ZNF521: variants seen among roughly 807,000 people sequenced by gnomAD.
ZNF521 encodes LYST-interacting protein 3.
A neutral mutation model predicts 105.5 loss-of-function variants in ZNF521; 14 were observed. That is an observed-to-expected ratio of 0.13 (90% confidence interval 0.09 to 0.21). The LOEUF (loss-of-function observed/expected upper bound fraction) is 0.21. ZNF521 is among the 10% of genes least tolerant of loss of function. The pLI, the probability that ZNF521 is intolerant of heterozygous loss-of-function variation, is 1.00. For synonymous variants in ZNF521, 635 were observed against 606.0 expected, an observed-to-expected ratio of 1.05 and a Z score of -0.70; for missense variants, 1,233 against 1,629.7, an observed-to-expected ratio of 0.76 and a Z score of 4.19.
intron 5 of ZNF521, among the ~76,000 whole-genome samples, chr18:25,114,139 G>C (rs2034256489): frequency 2.0e-5 from 3 of 152,112 alleles, no homozygotes; most frequent in Non-Finnish European, 4.4e-5. Context: ...CCCAATTTCA[G>C]GGAGGGGTGG....
At chr18:25,161,312 C>A (rs535007126) in intron 5 of ZNF521, among the ~76,000 whole-genome samples, 1 of 152,058 alleles carries the variant, frequency 6.6e-6, no homozygotes, top group Non-Finnish European at 1.5e-5. Context: ...TTAAGTTGTT[C>A]TAAGGCAATT....
intron 7 of ZNF521, among the ~76,000 whole-genome samples, chr18:25,065,618 T>C (rs2033037177): frequency 6.6e-6 from 1 of 152,024 alleles, no homozygotes; most frequent in Admixed American, 6.5e-5. Flanking sequence ...AGATGGGTGT[T>C]TTTTTCTTCT....
chr18:25,289,647 C>T (rs1025208710), intron 3 of ZNF521, among the ~76,000 whole-genome samples: 2 of 152,186 alleles, frequency 1.3e-5, no homozygotes, highest in African/African-American at 2.4e-5. Flanking sequence ...CCCTAACCAA[C>T]GCATTCCCCA....
intron 2 of ZNF521, among the ~76,000 whole-genome samples, chr18:25,333,921 C>A (rs1242655409): frequency 6.6e-6 from 1 of 152,222 alleles, no homozygotes; most frequent in African/African-American, 2.4e-5. Flanking sequence ...TCACTCACTT[C>A]TTCCCAGAAG....
chr18:25,089,333 T>C, intron 7 of ZNF521, 132 bp downstream of exon 7: 1 of 676,756 alleles, frequency 1.5e-6, no homozygotes, highest in Admixed American at 2.9e-5. Context: ...AATTTTCCCT[T>C]TGCCCCCAAT....
Position 25,225,907 on chromosome 18 carries a change from T to C in ZNF521, c.2011A>G (p.Lys671Glu). ...LPKLTCPQCNKEFPNQESLLK... is the reference protein window; with the variant it reads ...LPKLTCPQCNEEFPNQESLLK... Reference sequence around the variant, plus strand: ...AAGGATTCTTGGTTGGGGAATTCCTTGTTGCACTGAGGACAGGTCAATTTT... The same window carrying C: ...AAGGATTCTTGGTTGGGGAATTCCTCGTTGCACTGAGGACAGGTCAATTTT... Residue 671 changes from lysine to glutamate, a missense_variant, in exon 4 of 8, where the codon AAG becomes GAG. Coordinates refer to ENST00000361524, the MANE Select transcript of ZNF521 (RefSeq NM_015461.3). This position sits in a 1 kb window ranked among gnomAD's most constrained non-coding sequence, Gnocchi z 5.6. 1.2e-6 allele frequency: 2 copies of C among 1,614,136 alleles called. No individual in the cohort carries two copies. The highest frequency in any genetic ancestry group is 1.7e-6 in the Non-Finnish European group (2 of 1,180,016).
intron 5 of ZNF521, among the ~76,000 whole-genome samples, chr18:25,188,220 T>C (rs974352139): frequency 6.6e-6 from 1 of 152,158 alleles, no homozygotes; most frequent in African/African-American, 2.4e-5. Flanking sequence ...GTGAGATACC[T>C]TGCAATCTTG....
At position 25,062,513 on chromosome 18, in the gene ZNF521, A is replaced by G; in HGVS notation, c.*199T>C. On this transcript the variant is annotated 3_prime_UTR_variant, in exon 8 of 8. Coordinates refer to ENST00000361524, the MANE Select transcript of ZNF521 (RefSeq NM_015461.3). Reference sequence around the variant, plus strand: ...TATCAGACGACATAATACATGTGCAACACTTTATATACAAGGGGTCTATCC... The same window carrying G: ...TATCAGACGACATAATACATGTGCAGCACTTTATATACAAGGGGTCTATCC... The G allele has an allele frequency of 3.1e-6, 2 of 639,368 alleles. No homozygotes were observed. Among genetic ancestry groups the G allele is most frequent in the South Asian group, 2.1e-5 (1 of 46,880 alleles). The allele number at this position is 639,368 out of a possible 1,614,324, so 39.6% of individuals were successfully genotyped here.
rs183731193 is a variant in ZNF521, at chr18:25,064,133, C to T, written c.3907-1392G>A. Among the ~76,000 whole-genome samples the T allele has an allele frequency of 3.3e-5, 5 of 152,336 alleles. No individual in the cohort carries two copies. In the East Asian group the frequency reaches 5.8e-4, roughly 18 times the overall value. ...AGGGTTTGGCTATCTCAGTGACTGGCTGGCAAGGCAAGGGCTACTGGAGAG... is the reference window on the plus strand; with the variant it reads ...AGGGTTTGGCTATCTCAGTGACTGGTTGGCAAGGCAAGGGCTACTGGAGAG... On this transcript the variant is annotated intron_variant, in intron 7 of 7. Coordinates refer to ENST00000361524, the MANE Select transcript of ZNF521 (RefSeq NM_015461.3).
At chr18:25,072,111 C>T (rs1351737510) in intron 7 of ZNF521, among the ~76,000 whole-genome samples, 1 of 152,168 alleles carries the variant, frequency 6.6e-6, no homozygotes, top group Non-Finnish European at 1.5e-5. Context: ...CCACATTTTG[C>T]TATTTTCTGC....
intron 5 of ZNF521, among the ~76,000 whole-genome samples, chr18:25,147,423 A>G (rs996119297): frequency 6.6e-6 from 1 of 152,186 alleles, no homozygotes; most frequent in African/African-American, 2.4e-5. Flanking sequence ...ATTTGACTGC[A>G]GGTTAGTCCA....
Position 25,084,604 on chromosome 18 carries a change from G to A in ZNF521, c.3906+4861C>T, listed in dbSNP as rs919720527. ...CATGACTTAATGAAGGGAAGGGCTG[G>A]GTATTAAGATAATCTTTGATTCAAA... On this transcript the variant is annotated intron_variant, in intron 7 of 7. Coordinates refer to ENST00000361524, the MANE Select transcript of ZNF521 (RefSeq NM_015461.3). Among the ~76,000 whole-genome samples the A allele has an allele frequency of 3.3e-5, 5 of 152,038 alleles. 1 individual carries two copies. Among genetic ancestry groups the A allele is most frequent in the Non-Finnish European group, 7.4e-5 (5 of 67,994 alleles).
intron 3 of ZNF521, among the ~76,000 whole-genome samples, chr18:25,242,237 C>T (rs1568030813): frequency 6.6e-6 from 1 of 152,192 alleles, no homozygotes. Flanking sequence ...TAGCCTGTGT[C>T]ATCAACCAAA....
At chr18:25,185,429 C>T (rs1398343311) in intron 5 of ZNF521, among the ~76,000 whole-genome samples, 1 of 152,110 alleles carries the variant, frequency 6.6e-6, no homozygotes, top group African/African-American at 2.4e-5. Context: ...CCTCAAGATG[C>T]CCTCTGTGTT....
Position 25,351,077 on chromosome 18 carries a change from C to T in ZNF521, c.-1-130G>A, listed in dbSNP as rs7241690. ...GCCTCCCTCGCGCCCTCGCTCCGCG[C>T]TCCGCTCCTCGCTCCGGCTCCGGCT... On this transcript the variant is annotated intron_variant, in intron 1 of 7. Transcript: ENST00000361524. 2.6e-3 allele frequency: 1,282 copies of T among 484,252 alleles called. 21 individuals are homozygous for T. Among genetic ancestry groups the T allele is most frequent in the African/African-American group, 0.025 (1,204 of 47,244 alleles). The allele number at this position is 484,252 out of a possible 1,614,324, so 30.0% of individuals were successfully genotyped here. A position where few individuals can be genotyped will look rare whatever the true frequency, so the allele number is the denominator to read the frequency against.
chr18:25,281,360 G>A (rs546498550), intron 3 of ZNF521, among the ~76,000 whole-genome samples: 1 of 152,300 alleles, frequency 6.6e-6, no homozygotes, highest in African/African-American at 2.4e-5. Flanking sequence ...CACACAGAAG[G>A]CAAGTGGGAG....
At chr18:25,260,324 C>A (rs937051068) in intron 3 of ZNF521, among the ~76,000 whole-genome samples, 4 of 151,816 alleles carry the variant, frequency 2.6e-5, no homozygotes, top group African/African-American at 9.7e-5. Context: ...ATTAAGTAAG[C>A]TAAGGTTGGT....
intron 5 of ZNF521, among the ~76,000 whole-genome samples, chr18:25,117,090 C>CACACACACAA (rs56408075): frequency 1.0e-4 from 15 of 143,002 alleles, no homozygotes; most frequent in African/African-American, 2.9e-4. Context: ...CACATACACA[C>CACACACACAA]ATCCTTAATT....
At chr18:25,338,895 T>C (rs1402503249) in intron 2 of ZNF521, among the ~76,000 whole-genome samples, 2 of 152,250 alleles carry the variant, frequency 1.3e-5, no homozygotes, top group African/African-American at 4.8e-5. Flanking sequence ...GAACAGTTGT[T>C]AAATTGTCTC....
Sources: gnomAD v4.1 joint callset for allele counts (sites outside exome capture counted in the v4.1 genomes callset) on GRCh38, gnomAD v4.1.1 for gene constraint, Gnocchi (gnomAD v3.1) non-coding constraint, MANE v1.5 for transcripts, NCBI Gene and HGNC (gene_info 2026-07-23, HGNC 2026-07-21) for gene names.